Variants in MYO1D observed in about 807,000 individuals in gnomAD.
MYO1D encodes the protein unconventional myosin-Id.
Under a neutral mutation model 122.0 loss-of-function variants are expected in MYO1D, and 83 were observed. That is an observed-to-expected ratio of 0.68 (90% CI 0.57 to 0.82). MYO1D has a LOEUF of 0.82. Among genes scored for constraint, MYO1D ranks in the 40% least tolerant of loss-of-function variants. The probability of loss-of-function intolerance (pLI) is 0.00; values close to 1 mark genes in which losing one functional copy is unlikely to be tolerated. For synonymous variants in MYO1D, 464 were observed against 446.9 expected (o/e 1.04, Z -0.48); for missense variants, 1,157 against 1,269.5 (o/e 0.91, Z 1.35).
Position 32,871,678 on chromosome 17 carries a change from C to A in MYO1D, c.95+5100G>T, listed in dbSNP as rs528100342. Among the ~76,000 whole-genome samples, 190 of 152,344 alleles carry A rather than the reference C, an allele frequency of 1.2e-3. 2 individuals are homozygous for A. The highest frequency in any genetic ancestry group is 4.5e-3 in the African/African-American group (186 of 41,580). ...TTGTCCTATAAAATGGAAAGCATTT[C>A]TGTCAAGGACACCGTCCGTGGCTCA... On this transcript the variant is annotated intron_variant, in intron 1 of 21. Transcript: ENST00000318217.
At position 32,659,185 on chromosome 17, in the gene MYO1D, GC is replaced by G; in HGVS notation, c.2274del (p.Lys758AsnfsTer3). 1 of 1,614,200 alleles carries G rather than the reference GC, an allele frequency of 6.2e-7. No individual in the cohort carries two copies. The highest frequency in any genetic ancestry group is 1.3e-5 in the African/African-American group (1 of 75,050). ...HGVKTMRDYG[K>X]HVKWPSPPKV... The stretch of plus-strand genomic sequence containing the variant: ...TTAGGAGGGCTTGGCCACTTCACGT[GC>G]TTCCCGTAGTCTCGCATGGTCTTGA... On this transcript the variant is annotated frameshift_variant, in exon 17 of 22. Coordinates refer to ENST00000318217, the MANE Select transcript of MYO1D (RefSeq NM_015194.3). LOFTEE classifies it high-confidence loss of function.
chr17:32,725,604 A>G (rs2089562823), intron 14 of MYO1D, among the ~76,000 whole-genome samples: 1 of 152,128 alleles, frequency 6.6e-6, no homozygotes, highest in Non-Finnish European at 1.5e-5. Context: ...GGAATGAAGC[A>G]TGGATAGATA....
intron 16 of MYO1D, 100 bp downstream of exon 16, chr17:32,711,887 CA>C: frequency 9.8e-7 from 1 of 1,016,884 alleles, no homozygotes. Flanking sequence ...CATAAAACAA[CA>C]TATCTTCCAG....
intron 16 of MYO1D, among the ~76,000 whole-genome samples, chr17:32,684,986 A>AT (rs1247297764): frequency 6.6e-6 from 1 of 151,988 alleles, no homozygotes; most frequent in Admixed American, 6.6e-5. Flanking sequence ...TAGTTACAGG[A>AT]TTTTTTCATG....
intron 17 of MYO1D, among the ~76,000 whole-genome samples, chr17:32,655,147 T>C (rs2088457915): frequency 1.3e-5 from 2 of 152,234 alleles, no homozygotes; most frequent in Admixed American, 1.3e-4. Flanking sequence ...TTTGTGTGTT[T>C]TGAAAGCAAC....
At chr17:32,691,376 T>C (rs1002199331) in intron 16 of MYO1D, among the ~76,000 whole-genome samples, 5 of 151,424 alleles carry the variant, frequency 3.3e-5, no homozygotes, top group African/African-American at 1.2e-4. Flanking sequence ...TATTTCCCAC[T>C]GTCATGAGAA....
chr17:32,751,894 A>G (rs2089902933), intron 11 of MYO1D, among the ~76,000 whole-genome samples: 1 of 152,220 alleles, frequency 6.6e-6, no homozygotes, highest in Non-Finnish European at 1.5e-5. Flanking sequence ...TCAAATTACC[A>G]ATGTCATTTT....
At chr17:32,848,533 T>C (rs982034146) in intron 1 of MYO1D, among the ~76,000 whole-genome samples, 29 of 152,340 alleles carry the variant, frequency 1.9e-4, no homozygotes, top group African/African-American at 6.0e-4. Flanking sequence ...AGTTCTGTGG[T>C]AGTCAAGTCT....
intron 21 of MYO1D, among the ~76,000 whole-genome samples, chr17:32,561,638 C>T (rs62062499): frequency 0.16 from 23,799 of 146,270 alleles, 2,370 homozygotes; most frequent in East Asian, 0.24. Context: ...TGCAGTGAGC[C>T]GAGATCCCGC....
At chr17:32,709,380 G>A (rs965099892) in intron 16 of MYO1D, among the ~76,000 whole-genome samples, 2 of 152,048 alleles carry the variant, frequency 1.3e-5, no homozygotes, top group African/African-American at 4.8e-5. Flanking sequence ...AGATCTGGGG[G>A]CAGAGGAATC....
At chr17:32,705,711 T>C (rs772570362) in intron 16 of MYO1D, among the ~76,000 whole-genome samples, 4 of 152,216 alleles carry the variant, frequency 2.6e-5, no homozygotes, top group Non-Finnish European at 5.9e-5. Flanking sequence ...GTTAATGATA[T>C]GGTTTGGCTG....
chr17:32,699,931 A>G (rs1286447958), intron 16 of MYO1D, among the ~76,000 whole-genome samples: 1 of 152,230 alleles, frequency 6.6e-6, no homozygotes, highest in Non-Finnish European at 1.5e-5. Flanking sequence ...TAAATTCCAG[A>G]AAGTAGAAAT....
chr17:32,509,667 C>A (rs1322815811), intron 21 of MYO1D, among the ~76,000 whole-genome samples: 1 of 152,050 alleles, frequency 6.6e-6, no homozygotes, highest in African/African-American at 2.4e-5. Context: ...CGGCTCACTG[C>A]AACCTCCGCC....
chr17:32,846,746 G>A (rs997408126), intron 1 of MYO1D, among the ~76,000 whole-genome samples: 2 of 152,152 alleles, frequency 1.3e-5, no homozygotes, highest in African/African-American at 2.4e-5. Flanking sequence ...TTGGGAAGCC[G>A]AGGCAGGAAG....
intron 16 of MYO1D, among the ~76,000 whole-genome samples, chr17:32,688,549 T>C (rs914304825): frequency 1.6e-4 from 24 of 152,158 alleles, no homozygotes; most frequent in Admixed American, 5.2e-4. Flanking sequence ...AGAATCGAAC[T>C]TGAAGAACAC....
chr17:32,807,394 G>A (rs1048015480), intron 1 of MYO1D, among the ~76,000 whole-genome samples: 1 of 151,904 alleles, frequency 6.6e-6, no homozygotes, highest in Admixed American at 6.6e-5. Context: ...TATATAATAT[G>A]TAAAATATAC....
chr17:32,599,224 G>A (rs2087532878), intron 21 of MYO1D, among the ~76,000 whole-genome samples: 1 of 152,176 alleles, frequency 6.6e-6, no homozygotes, highest in African/African-American at 2.4e-5. Flanking sequence ...TATTTTAGAT[G>A]CTTTGTCATC....
chr17:32,837,961 C>G (rs1010563608), intron 1 of MYO1D, among the ~76,000 whole-genome samples: 1 of 126,374 alleles, frequency 7.9e-6, no homozygotes, highest in African/African-American at 2.7e-5. Flanking sequence ...TTGTGCTTTT[C>G]TTTTCATATA....
chr17:32,706,924 C>A (rs1003157984), intron 16 of MYO1D, among the ~76,000 whole-genome samples: 2 of 152,036 alleles, frequency 1.3e-5, no homozygotes, highest in Non-Finnish European at 2.9e-5. Flanking sequence ...GCCCGATCTC[C>A]TGACCTTGTG....
Sources: gnomAD v4.1 joint callset for allele counts (sites outside exome capture counted in the v4.1 genomes callset) on GRCh38, gnomAD v4.1.1 for gene constraint, MANE v1.5 for transcripts, NCBI Gene and HGNC (gene_info 2026-07-23, HGNC 2026-07-21) for gene names.